Variants in DNAJC1 observed in about 807,000 individuals in gnomAD.
DNAJC1 encodes DnaJ heat shock protein family (Hsp40) member C1.
DNAJC1 carries 58 observed loss-of-function variants against 76.6 expected under a neutral mutation model. The observed-to-expected ratio is 0.76, with a 90% CI of 0.61 to 0.94. DNAJC1 has a LOEUF of 0.94. Ranked by LOEUF, DNAJC1 falls within the 40% of genes least tolerant of loss-of-function variation. The probability of loss-of-function intolerance (pLI) is 0.00; values close to 1 mark genes in which losing one functional copy is unlikely to be tolerated. For synonymous variants in DNAJC1, 258 were observed against 267.9 expected (o/e 0.96, Z 0.36); for missense variants, 689 against 677.3 (o/e 1.02, Z -0.19).
chr10:21,879,118 G>A (rs1836231494), intron 8 of DNAJC1, among the ~76,000 whole-genome samples: 1 of 152,196 alleles, frequency 6.6e-6, no homozygotes, highest in African/African-American at 2.4e-5. Context: ...GAAGGAAATA[G>A]TGGCAGAAAG....
At chr10:21,802,358 T>G (rs1202543224) in intron 9 of DNAJC1, among the ~76,000 whole-genome samples, 1 of 152,176 alleles carries the variant, frequency 6.6e-6, no homozygotes, top group Non-Finnish European at 1.5e-5. Context: ...ACTATATATT[T>G]AGTTCACTGA....
At chr10:21,784,303 CTCA>C (rs1352287974) in intron 9 of DNAJC1, among the ~76,000 whole-genome samples, 2 of 152,180 alleles carry the variant, frequency 1.3e-5, no homozygotes, top group Non-Finnish European at 2.9e-5. Context: ...AGAAAAAATG[CTCA>C]TCATCACTGG....
At chr10:21,979,983 A>C (rs1467437666) in intron 1 of DNAJC1, among the ~76,000 whole-genome samples, 1 of 152,050 alleles carries the variant, frequency 6.6e-6, no homozygotes, top group Non-Finnish European at 1.5e-5. Context: ...AATCCTGTTC[A>C]GAGTTTATTT....
intron 9 of DNAJC1, among the ~76,000 whole-genome samples, chr10:21,774,712 C>T (rs947886206): frequency 8.5e-5 from 13 of 152,276 alleles, no homozygotes; most frequent in South Asian, 2.1e-4. Context: ...CTCCTGACCT[C>T]GTGATCCGCC....
intron 9 of DNAJC1, among the ~76,000 whole-genome samples, chr10:21,768,306 C>T (rs1834325600): frequency 6.6e-6 from 1 of 152,208 alleles, no homozygotes; most frequent in Admixed American, 6.5e-5. Flanking sequence ...CGAACCAACA[C>T]TTCATGGCTT....
chr10:21,954,124 C>G (rs1370210358), intron 1 of DNAJC1, among the ~76,000 whole-genome samples: 1 of 152,056 alleles, frequency 6.6e-6, no homozygotes, highest in African/African-American at 2.4e-5. Context: ...TCATGAATTA[C>G]TCCACTGAGA....
At chr10:21,788,949 C>T (rs1277371232) in intron 9 of DNAJC1, among the ~76,000 whole-genome samples, 5 of 152,098 alleles carry the variant, frequency 3.3e-5, no homozygotes, top group Non-Finnish European at 7.4e-5. Flanking sequence ...TACATCCAAC[C>T]CTGCCACAGA....
chr10:21,872,436 T>C (rs1041198669), intron 8 of DNAJC1, among the ~76,000 whole-genome samples: 3 of 152,094 alleles, frequency 2.0e-5, no homozygotes, highest in Non-Finnish European at 4.4e-5. Context: ...AATGAAAGTA[T>C]GGGAACAATG....
intron 8 of DNAJC1, among the ~76,000 whole-genome samples, chr10:21,849,631 C>A (rs1438949480): frequency 2.0e-5 from 3 of 151,984 alleles, no homozygotes; most frequent in South Asian, 2.1e-4. Context: ...CAGTATTACA[C>A]TGATTTCCAA....
chr10:21,930,089 C>A (rs543147034), intron 1 of DNAJC1, among the ~76,000 whole-genome samples: 1 of 152,332 alleles, frequency 6.6e-6, no homozygotes, highest in Admixed American at 6.5e-5. Flanking sequence ...GATTCTTGTG[C>A]CTCAGCCTCC....
chr10:21,973,345 A>C (rs1590074338), intron 1 of DNAJC1, among the ~76,000 whole-genome samples: 1 of 152,218 alleles, frequency 6.6e-6, no homozygotes, highest in South Asian at 2.1e-4. Context: ...GTCTATGAAG[A>C]AAGTCCTATA....
chr10:21,897,755 C>T lies in DNAJC1; in HGVS notation c.820+6767G>A, dbSNP rs545614272. On this transcript the variant is annotated intron_variant, in intron 7 of 11. Coordinates refer to ENST00000376980, the MANE Select transcript of DNAJC1 (RefSeq NM_022365.4). Reference sequence around the variant, plus strand: ...ATGTAAAGCATCTACAAAACACCTACAGCTTACATCATACTTAACGGTGTA... The same window carrying T: ...ATGTAAAGCATCTACAAAACACCTATAGCTTACATCATACTTAACGGTGTA... Among the ~76,000 whole-genome samples the T allele has an allele frequency of 3.9e-5, 6 of 152,334 alleles. No homozygotes were observed. The South Asian group carries it at 1.0e-3, about 26-fold the overall frequency.
chr10:21,970,640 T>A (rs557558145), intron 1 of DNAJC1, among the ~76,000 whole-genome samples: 2 of 152,082 alleles, frequency 1.3e-5, no homozygotes, highest in African/African-American at 4.8e-5. Flanking sequence ...TATCTAAAGG[T>A]GATAGACCAA....
At chr10:21,927,599 A>G (rs143183627) in intron 3 of DNAJC1, among the ~76,000 whole-genome samples, 40 of 152,376 alleles carry the variant, frequency 2.6e-4, no homozygotes, top group African/African-American at 8.7e-4. Flanking sequence ...ACATTTTTAA[A>G]AAATAAATAA....
chr10:21,917,252 G>A (rs1041755858), intron 6 of DNAJC1, among the ~76,000 whole-genome samples: 1 of 151,964 alleles, frequency 6.6e-6, no homozygotes, highest in Non-Finnish European at 1.5e-5. Context: ...GCTATCACAG[G>A]CAAGTATTTT....
chr10:21,978,823 C>T (rs532260124), intron 1 of DNAJC1, among the ~76,000 whole-genome samples: 1 of 152,094 alleles, frequency 6.6e-6, no homozygotes, highest in South Asian at 2.1e-4. Flanking sequence ...TCTGTAAATT[C>T]AGTAAGTGAT....
At chr10:21,863,757 A>G (rs1590021007) in intron 8 of DNAJC1, among the ~76,000 whole-genome samples, 1 of 152,170 alleles carries the variant, frequency 6.6e-6, no homozygotes, top group Admixed American at 6.5e-5. Context: ...CAATCATGCT[A>G]TTAGATGCAG....
chr10:21,919,980 C>T (rs373905049), intron 4 of DNAJC1, 51 bp from the exon 5 acceptor site: 124 of 1,138,104 alleles, frequency 1.1e-4, no homozygotes, highest in Non-Finnish European at 1.1e-4. Flanking sequence ...ATGTACACTT[C>T]AAATGTTATC....
At chr10:21,890,672 C>T (rs1284197795) in intron 7 of DNAJC1, among the ~76,000 whole-genome samples, 1 of 152,080 alleles carries the variant, frequency 6.6e-6, no homozygotes, top group Non-Finnish European at 1.5e-5. Context: ...CATAGGAAAC[C>T]TGGACTTCAA....
Sources: gnomAD v4.1 joint callset for allele counts (sites outside exome capture counted in the v4.1 genomes callset) on GRCh38, gnomAD v4.1.1 for gene constraint, MANE v1.5 for transcripts, NCBI Gene and HGNC (gene_info 2026-07-23, HGNC 2026-07-21) for gene names.